Variants in CNTNAP2 observed in about 807,000 individuals in gnomAD.
The protein encoded by CNTNAP2 is contactin-associated protein-like 2.
A neutral mutation model predicts 155.2 loss-of-function variants in CNTNAP2; 98 were observed. The ratio of observed to expected loss-of-function variants is 0.63; its 90% CI spans 0.54 to 0.75. The LOEUF (loss-of-function observed/expected upper bound fraction) is 0.75. Among genes scored for constraint, CNTNAP2 ranks in the 30% least tolerant of loss-of-function variants. CNTNAP2 has a pLI of 0.00. For missense variants in CNTNAP2, 1,727 were observed against 1,688.1 expected, an observed-to-expected ratio of 1.02 and a Z score of -0.40; for synonymous variants, 651 against 631.2, an observed-to-expected ratio of 1.03 and a Z score of -0.47.
intron 13 of CNTNAP2, among the ~76,000 whole-genome samples, chr7:147,699,033 A>G (rs1435280991): frequency 6.6e-6 from 1 of 152,144 alleles, no homozygotes; most frequent in Non-Finnish European, 1.5e-5. Flanking sequence ...CTAAAGAAGA[A>G]CTTGATAAAT....
intron 1 of CNTNAP2, among the ~76,000 whole-genome samples, chr7:146,631,083 A>G (rs1251915796): frequency 6.6e-6 from 1 of 152,162 alleles, no homozygotes; most frequent in African/African-American, 2.4e-5. Context: ...ATGGACAAAA[A>G]AAGAGCCCAT....
At chr7:147,420,970 AAAG>A (rs1352147626) in intron 10 of CNTNAP2, among the ~76,000 whole-genome samples, 3 of 152,204 alleles carry the variant, frequency 2.0e-5, no homozygotes, top group Non-Finnish European at 4.4e-5. Context: ...GGAGGATCAT[AAAG>A]AAGTAATTCT....
At chr7:147,706,838 AT>A (rs2117010912) in intron 13 of CNTNAP2, among the ~76,000 whole-genome samples, 1 of 152,190 alleles carries the variant, frequency 6.6e-6, no homozygotes, top group African/African-American at 2.4e-5. Flanking sequence ...TTTTAAAATT[AT>A]TTTTGTCTGG....
At chr7:147,439,300 T>C (rs908656334) in intron 10 of CNTNAP2, among the ~76,000 whole-genome samples, 1 of 152,048 alleles carries the variant, frequency 6.6e-6, no homozygotes, top group African/African-American at 2.4e-5. Flanking sequence ...CATCATCATT[T>C]GCTTCAGAAA....
intron 1 of CNTNAP2, among the ~76,000 whole-genome samples, chr7:146,338,337 A>G (rs190082981): frequency 2.0e-5 from 3 of 152,236 alleles, no homozygotes; most frequent in Admixed American, 2.0e-4. Flanking sequence ...TCTGTGCTTT[A>G]TGTGTGAGCA....
intron 13 of CNTNAP2, among the ~76,000 whole-genome samples, chr7:147,818,216 C>T (rs1798306599): frequency 6.6e-6 from 1 of 152,044 alleles, no homozygotes; most frequent in Non-Finnish European, 1.5e-5. Flanking sequence ...GGTTTCTTAT[C>T]ATGGTGGTCT....
At chr7:148,117,371 G>T (rs1454069338) in intron 15 of CNTNAP2, among the ~76,000 whole-genome samples, 1 of 152,204 alleles carries the variant, frequency 6.6e-6, no homozygotes, top group Non-Finnish European at 1.5e-5. Flanking sequence ...CTGAGAGTTT[G>T]GCGCAGGAGA....
At chr7:147,112,555 G>A (rs944527163) in intron 5 of CNTNAP2, among the ~76,000 whole-genome samples, 8 of 152,218 alleles carry the variant, frequency 5.3e-5, no homozygotes, top group African/African-American at 1.7e-4. Context: ...TCAAAACCTA[G>A]TTAACTGAGA....
At chr7:148,375,420 C>G (rs930029883) in intron 21 of CNTNAP2, among the ~76,000 whole-genome samples, 1 of 149,628 alleles carries the variant, frequency 6.7e-6, no homozygotes, top group South Asian at 2.1e-4. Context: ...AGCGCAATGC[C>G]GTGATCTCGG....
intron 1 of CNTNAP2, among the ~76,000 whole-genome samples, chr7:146,639,291 T>A (rs913066702): frequency 3.3e-5 from 5 of 152,204 alleles, no homozygotes; most frequent in African/African-American, 1.2e-4. Flanking sequence ...TGAAGCACAT[T>A]ACCGGAAAAA....
chr7:146,412,334 T>C (rs1179862806), intron 1 of CNTNAP2, among the ~76,000 whole-genome samples: 5 of 152,216 alleles, frequency 3.3e-5, no homozygotes, highest in Non-Finnish European at 5.9e-5. Context: ...CAAAGATGTT[T>C]CCAATAAAAG....
intron 1 of CNTNAP2, among the ~76,000 whole-genome samples, chr7:146,520,689 T>C (rs112934599): frequency 0.064 from 9,721 of 151,912 alleles, 766 homozygotes; most frequent in African/African-American, 0.19. Flanking sequence ...TAGAAAGATA[T>C]AGTACATTAC....
intron 15 of CNTNAP2, among the ~76,000 whole-genome samples, chr7:148,067,511 G>A (rs916752793): frequency 5.3e-5 from 8 of 152,246 alleles, no homozygotes; most frequent in South Asian, 2.1e-4. Context: ...TAGTAGGGAA[G>A]TGAGGTAGAC....
intron 1 of CNTNAP2, among the ~76,000 whole-genome samples, chr7:146,181,861 CAAGTA>C (rs1179889935): frequency 6.6e-6 from 1 of 152,134 alleles, no homozygotes; most frequent in Non-Finnish European, 1.5e-5. Context: ...CATATTTACA[CAAGTA>C]GAGTGCATGG....
intron 3 of CNTNAP2, among the ~76,000 whole-genome samples, chr7:147,040,826 G>A (rs1248112705): frequency 6.6e-6 from 1 of 152,070 alleles, no homozygotes; most frequent in African/African-American, 2.4e-5. Context: ...AAGGGAAGAG[G>A]TTGCTGAGCA....
At chr7:146,777,705 A>T (rs890265517) in intron 2 of CNTNAP2, among the ~76,000 whole-genome samples, 4 of 152,190 alleles carry the variant, frequency 2.6e-5, no homozygotes, top group Non-Finnish European at 4.4e-5. Context: ...CTGGGATTAC[A>T]GGAGAGTGCC....
Position 148,330,982 on chromosome 7 carries a change from A to G in CNTNAP2, c.3476-52667A>G, listed in dbSNP as rs953022373. ...TAGAGTGGATGGATAGAGTAGATGGATGGAATGAACGCATGGAATGAATGG... is the reference window on the plus strand; with the variant it reads ...TAGAGTGGATGGATAGAGTAGATGGGTGGAATGAACGCATGGAATGAATGG... On this transcript the variant is annotated intron_variant, in intron 21 of 23. Coordinates refer to ENST00000361727, the MANE Select transcript of CNTNAP2 (RefSeq NM_014141.6). 3.0e-4 allele frequency among the ~76,000 whole-genome samples: 43 copies of G among 145,024 alleles called. 2 individuals carry two copies. The highest frequency in any genetic ancestry group is 2.3e-3 in the Admixed American group (34 of 14,562).
At chr7:147,685,457 A>G (rs1476672476) in intron 13 of CNTNAP2, among the ~76,000 whole-genome samples, 4 of 152,018 alleles carry the variant, frequency 2.6e-5, no homozygotes, top group Non-Finnish European at 4.4e-5. Flanking sequence ...TACTTTCTAG[A>G]TATTCACTTT....
intron 13 of CNTNAP2, among the ~76,000 whole-genome samples, chr7:147,892,700 T>C (rs1799714823): frequency 6.6e-6 from 1 of 152,242 alleles, no homozygotes; most frequent in Admixed American, 6.5e-5. Flanking sequence ...TTGAAATCTA[T>C]TAAGTTCAAT....
Sources: allele counts gnomAD v4.1 joint callset (sites outside exome capture counted in the v4.1 genomes callset), GRCh38; gene constraint gnomAD v4.1.1; transcripts MANE v1.5; gene names NCBI Gene and HGNC (gene_info 2026-07-23, HGNC 2026-07-21).